The following HSPBP1 variants were observed in gnomAD, a reference collection of about 807,000 sequenced individuals.
HSPBP1 encodes the protein hsp70-binding protein 1.
A neutral mutation model predicts 41.7 loss-of-function variants in HSPBP1; 31 were observed. That is an observed-to-expected ratio of 0.74 (90% CI 0.56 to 1.00). The LOEUF (loss-of-function observed/expected upper bound fraction) is 1.00. Among genes scored for constraint, HSPBP1 ranks in the 50% least tolerant of loss-of-function variants. The probability of loss-of-function intolerance (pLI) is 0.00; values close to 1 mark genes in which losing one functional copy is unlikely to be tolerated. For synonymous variants in HSPBP1, 199 were observed against 214.4 expected (o/e 0.93, Z 0.63); for missense variants, 439 against 487.9 (o/e 0.90, Z 0.94).
In HSPBP1 at chr19:55,279,438, A is replaced by G. The variant is rs752150673; in HGVS notation, c.171T>C (p.Ser57=). 17 of 1,603,686 alleles carry G rather than the reference A, an allele frequency of 1.1e-5. No individual in the cohort carries two copies. The Admixed American group carries it at 3.1e-4, about 29-fold the overall frequency. ...GTTCTGGAGGAGGGTCTGGCTCTTC[A>G]GAGCCCGCGGTGATGGCCATCTGCA... is the stretch of plus-strand genomic sequence containing the variant. ...GLLQMAITAG[S]EEPDPPPEPM... The change falls in exon 2 of 8, where the codon TCT becomes TCC. Residue 57 remains serine, a synonymous_variant. Coordinates refer to ENST00000433386, the MANE Select transcript of HSPBP1 (RefSeq NM_012267.5).
chr19:55,266,059 C>A, intron 5 of HSPBP1, 72 bp downstream of exon 5: 1 of 1,565,068 alleles, frequency 6.4e-7, no homozygotes, highest in Non-Finnish European at 8.7e-7. Context: ...CTGTTCCTCC[C>A]CTTCTCCCAC....
At chr19:55,276,035 G>A (rs1256290695) in intron 3 of HSPBP1, among the ~76,000 whole-genome samples, 5 of 133,196 alleles carry the variant, frequency 3.8e-5, no homozygotes, top group Non-Finnish European at 3.1e-5. Context: ...GAGAATCACT[G>A]AAACCCAGCA....
intron 6 of HSPBP1, among the ~76,000 whole-genome samples, chr19:55,265,591 T>C (rs981154333): frequency 6.6e-6 from 1 of 152,020 alleles, no homozygotes; most frequent in Non-Finnish European, 1.5e-5. Flanking sequence ...GCACAGGGCC[T>C]GGTGCGTGTC....
rs2087835691 is a variant in HSPBP1 at position 55,268,198 on chromosome 19, A to G, written c.641-1912T>C. On this transcript the variant is annotated intron_variant, in intron 4 of 7. Coordinates refer to ENST00000433386, the MANE Select transcript of HSPBP1 (RefSeq NM_012267.5). This position sits in a 1 kb window ranked among gnomAD's most constrained non-coding sequence, Gnocchi z 4.5. ...GTAATCCCAGCACTTTGGGAGGCCG[A>G]GGTGGGCAGATCACTTGAGGTCAGG... Among the ~76,000 whole-genome samples the G allele has an allele frequency of 1.3e-5, 2 of 152,170 alleles. No individual in the cohort carries two copies. The highest frequency in any genetic ancestry group is 4.8e-5 in the African/African-American group (2 of 41,434).
rs148986423 is a variant in HSPBP1, at chr19:55,279,492, G to T, written c.117C>A (p.Ser39=). The change falls in exon 2 of 8, where the codon TCC becomes TCA. Residue 39 remains serine (S), a synonymous_variant. Coordinates refer to ENST00000433386, the MANE Select transcript of HSPBP1 (RefSeq NM_012267.5). ...AGCCTTGGAGGTTGCGTGGGGGCCG[G>T]GAATTGCCCGAGCCCCCAGCCGAGG... ...GGSSAGGSGN[S]RPPRNLQGLL... is the part of the protein sequence containing the mutation. 997 of 1,605,454 alleles carry T rather than the reference G, an allele frequency of 6.2e-4. 11 individuals are homozygous for T. The African/African-American group carries it at 0.012, about 19-fold the overall frequency.
chr19:55,272,923 G>C lies in HSPBP1; in HGVS notation c.640+1475C>G, dbSNP rs2073060763. Among the ~76,000 whole-genome samples, 1 of 152,180 alleles carries C rather than the reference G, an allele frequency of 6.6e-6. No homozygotes were observed. The highest frequency in any genetic ancestry group is 1.5e-5 in the Non-Finnish European group (1 of 68,040). ...TAGCCATACCACCCCGAACGCGTCT[G>C]ATCACATCTAAAATTAGAGAGTGAT... On this transcript the variant is annotated intron_variant, in intron 4 of 7. Transcript: ENST00000433386. The surrounding 1 kb of genome is among the most constrained non-coding windows in gnomAD (Gnocchi z 4.2).
chr19:55,276,378 A>T (rs1274600783), intron 3 of HSPBP1, among the ~76,000 whole-genome samples: 1 of 152,130 alleles, frequency 6.6e-6, no homozygotes, highest in East Asian at 1.9e-4. Flanking sequence ...AATTGACTGT[A>T]AGTGGTATAA....
intron 4 of HSPBP1, among the ~76,000 whole-genome samples, chr19:55,269,603 T>C (rs2087869587): frequency 6.6e-6 from 1 of 152,150 alleles, no homozygotes; most frequent in Admixed American, 6.5e-5. Flanking sequence ...AAAAGCAGAT[T>C]ACTAAGCCAA....
At chr19:55,267,464 CTTTTT>C (rs76720832) in intron 4 of HSPBP1, among the ~76,000 whole-genome samples, 1 of 146,800 alleles carries the variant, frequency 6.8e-6, no homozygotes. Flanking sequence ...TCATCTCTCT[CTTTTT>C]TTTTTTTTTG....
At chr19:55,264,043 C>A (rs974443317) in intron 7 of HSPBP1, among the ~76,000 whole-genome samples, 1 of 150,486 alleles carries the variant, frequency 6.6e-6, no homozygotes, top group Non-Finnish European at 1.5e-5. Flanking sequence ...TCTTGGCTCA[C>A]TGCAACCTCC....
chr19:55,274,356 C>T (rs544117645), intron 4 of HSPBP1, 42 bp downstream of exon 4: 22 of 668,468 alleles, frequency 3.3e-5, no homozygotes, highest in Non-Finnish European at 4.6e-5. Context: ...CACCCCCCCC[C>T]ACCGCCAGCA....
intron 7 of HSPBP1, among the ~76,000 whole-genome samples, chr19:55,264,203 A>G (rs2087715650): frequency 6.6e-6 from 1 of 152,102 alleles, no homozygotes; most frequent in Non-Finnish European, 1.5e-5. Flanking sequence ...TCCTGACCTC[A>G]TGATTTGCCT....
At chr19:55,266,388 TCATCAC>T (rs1165789653) in intron 4 of HSPBP1, 102 bp from the exon 5 acceptor site, 1 of 1,213,174 alleles carries the variant, frequency 8.2e-7, no homozygotes, top group African/African-American at 1.6e-5. Context: ...ACCAACATCA[TCATCAC>T]CACCATCACC....
intron 2 of HSPBP1, among the ~76,000 whole-genome samples, chr19:55,278,328 A>T (rs2088131704): frequency 6.6e-6 from 1 of 152,174 alleles, no homozygotes. Flanking sequence ...CCTTAGTCAC[A>T]GTTCTAAGTA....
At position 55,279,571 on chromosome 19, in the gene HSPBP1, A is replaced by G. The variant is rs775129037; in HGVS notation, c.38T>C (p.Leu13Pro). ...DEGSRGSRLP[L>P]ALPPASQGCS... ...ACCCTGGGAGGCCGGGGGCAGCGCC[A>G]GGGGCAGGCGGCTCCCCCTTGAGCC... Residue 13 changes from leucine to proline, a missense_variant, in exon 2 of 8, where the codon CTG (leucine) becomes CCG (proline). Leu to Pro is a moderately conservative substitution (Grantham distance 98, BLOSUM62 -3). Coordinates refer to ENST00000433386, the MANE Select transcript of HSPBP1 (RefSeq NM_012267.5). 2 of 1,602,764 alleles carry G rather than the reference A, an allele frequency of 1.2e-6. No individual in the cohort carries two copies. The highest frequency in any genetic ancestry group is 1.1e-5 in the South Asian group (1 of 90,554).
At chr19:55,263,490 G>T (rs147984754) in intron 7 of HSPBP1, among the ~76,000 whole-genome samples, 1 of 152,062 alleles carries the variant, frequency 6.6e-6, no homozygotes, top group African/African-American at 2.4e-5. Context: ...TTCCCTTCTA[G>T]AAATTGTTCT....
chr19:55,274,316 T>C (rs1264312818), intron 4 of HSPBP1, 82 bp downstream of exon 4: 2 of 1,208,734 alleles, frequency 1.7e-6, no homozygotes. Context: ...CCTCTCCCTC[T>C]GCCCCAGCAG....
At chr19:55,265,189 C>G in intron 7 of HSPBP1, 89 bp downstream of exon 7, 1 of 543,056 alleles carries the variant, frequency 1.8e-6, no homozygotes. Context: ...CGAACCCCAT[C>G]CCCTCCCCAC....
At chr19:55,278,941 A>AG (rs1555889542) in intron 2 of HSPBP1, among the ~76,000 whole-genome samples, 12 of 149,382 alleles carry the variant, frequency 8.0e-5, no homozygotes, top group African/African-American at 2.5e-4. Context: ...AAAAAAAAAA[A>AG]CAGCAGTCTG....
Sources: allele counts gnomAD v4.1 joint callset (sites outside exome capture counted in the v4.1 genomes callset), GRCh38; gene constraint gnomAD v4.1.1; non-coding constraint Gnocchi (gnomAD v3.1); transcripts MANE v1.5; gene names NCBI Gene and HGNC (gene_info 2026-07-23, HGNC 2026-07-21).